HGF: variants seen among roughly 807,000 people sequenced by gnomAD.
HGF encodes hepatocyte growth factor.
In HGF, 39 loss-of-function variants were observed where a neutral mutation model predicts 111.6. That is an observed-to-expected ratio of 0.35 (90% confidence interval 0.27 to 0.46). The LOEUF is 0.46. Ranked by LOEUF, HGF falls within the 20% of genes least tolerant of loss-of-function variation. The pLI is 1.00. For synonymous variants in HGF, 285 were observed against 294.8 expected (o/e 0.97, Z 0.34); for missense variants, 735 against 910.5 (o/e 0.81, Z 2.48).
chr7:81,738,578 T>C (rs543303234), intron 7 of HGF, among the ~76,000 whole-genome samples: 1 of 152,240 alleles, frequency 6.6e-6, no homozygotes, highest in South Asian at 2.1e-4. Flanking sequence ...ATGAGCAACA[T>C]TAATTCTTTA....
In HGF at chr7:81,711,537, TAGATAAATACACAA is replaced by T; in HGVS notation, c.1406-32_1406-19del. 8.4e-7 allele frequency: 1 copy of T among 1,195,500 alleles called. No individual in the cohort carries two copies. The highest frequency in any genetic ancestry group is 1.2e-6 in the Non-Finnish European group (1 of 817,262). The allele number at this position is 1,195,500 out of a possible 1,614,324, so 74.1% of individuals were successfully genotyped here. A position where few individuals can be genotyped will look rare whatever the true frequency, so the allele number is the denominator to read the frequency against. ...ACCTTCACCTGTAAAAATAAATGTA[TAGATAAATACACAA>T]TTCATATATGCATATATCTGTTATA... On this transcript the variant is annotated intron_variant, in intron 11 of 17. Coordinates refer to ENST00000222390, the MANE Select transcript of HGF (RefSeq NM_000601.6).
intron 11 of HGF, among the ~76,000 whole-genome samples, chr7:81,711,841 G>T (rs1008005704): frequency 6.6e-6 from 1 of 151,846 alleles, no homozygotes; most frequent in Non-Finnish European, 1.5e-5. Flanking sequence ...ACGGGATTTC[G>T]CCATGTGGGC....
chr7:81,711,661 T>C (rs961698207), intron 11 of HGF, 142 bp from the exon 12 acceptor site: 14 of 497,418 alleles, frequency 2.8e-5, no homozygotes, highest in African/African-American at 2.8e-4. Flanking sequence ...TGTTTTGTTT[T>C]GAGACAGAGT....
rs1245039600 is a variant in HGF, at chr7:81,708,871, C to T, written c.1541+1276G>A. 2.6e-5 allele frequency among the ~76,000 whole-genome samples: 4 copies of T among 152,056 alleles called. No individual in the cohort carries two copies. The East Asian group carries it at 5.8e-4, about 22-fold the overall frequency. ...GTTTCACAATTCTATTTTAGTACTA[C>T]ACACCTAGGACAGCTATACTACAAT... On this transcript the variant is annotated intron_variant, in intron 13 of 17. Coordinates refer to ENST00000222390, the MANE Select transcript of HGF (RefSeq NM_000601.6).
chr7:81,768,784 T>C lies in HGF; in HGVS notation c.88+1100A>G, dbSNP rs5745620. ...AAATCTTACCTAAATGCTTTCAGAG[T>C]GACCCTTTCCAAACAGTGTCATTTT... is the stretch of plus-strand genomic sequence containing the variant. On this transcript the variant is annotated intron_variant, in intron 1 of 17. Coordinates refer to ENST00000222390, the MANE Select transcript of HGF (RefSeq NM_000601.6). 7.6e-3 allele frequency among the ~76,000 whole-genome samples: 1,152 copies of C among 152,184 alleles called. 18 individuals are homozygous for C. The highest frequency in any genetic ancestry group is 0.027 in the African/African-American group (1,105 of 41,530).
Position 81,720,811 on chromosome 7 carries a change from T to C in HGF, c.1205A>G (p.Asn402Ser), listed in dbSNP as rs1392395915. The C allele has an allele frequency of 6.2e-7, 1 of 1,613,018 alleles. No individual in the cohort carries two copies. Among genetic ancestry groups the C allele is most frequent in the Non-Finnish European group, 8.5e-7 (1 of 1,178,984 alleles). ...YRGNGKNYMG[N>S]LSQTRSGLTC... ...TAGTCCAGATCTTGTTTGGGATAAG[T>C]TGCCCATATAATTTTTGCCATTCCC... is the stretch of plus-strand genomic sequence containing the variant. Residue 402 changes from asparagine to serine, a missense_variant, in exon 10 of 18, where the codon AAC becomes AGC. Asn to Ser is a conservative substitution (Grantham distance 46). Around this residue, in one of 3 missense-constraint regions of HGF, gnomAD observed 553 missense variants for 685.6 expected, o/e 0.81. Transcript: ENST00000222390.
chr7:81,718,931 C>A (rs957453899), intron 10 of HGF, among the ~76,000 whole-genome samples: 4 of 152,136 alleles, frequency 2.6e-5, no homozygotes, highest in African/African-American at 9.7e-5. Flanking sequence ...CTGAAATTAG[C>A]ATTTATTTTA....
intron 7 of HGF, among the ~76,000 whole-genome samples, chr7:81,736,905 G>GTGTGTGTGTA (rs1787848420): frequency 1.3e-5 from 2 of 150,928 alleles, no homozygotes; most frequent in Admixed American, 1.3e-4. Context: ...GTGTGTGTGT[G>GTGTGTGTGTA]TGTGTGTGTG....
At chr7:81,763,519 C>T (rs1306025755) in intron 1 of HGF, among the ~76,000 whole-genome samples, 1 of 152,076 alleles carries the variant, frequency 6.6e-6, no homozygotes, top group African/African-American at 2.4e-5. Context: ...AAACTTCATC[C>T]TTTAATGCAG....
chr7:81,751,895 T>C (rs536343283), intron 5 of HGF: 3 of 1,373,620 alleles, frequency 2.2e-6, no homozygotes, highest in African/African-American at 1.5e-5. Context: ...TCAGGCAGTG[T>C]TGAAATTCAA....
intron 8 of HGF, among the ~76,000 whole-genome samples, chr7:81,726,911 G>T (rs1411618543): frequency 6.6e-6 from 1 of 151,878 alleles, no homozygotes; most frequent in Admixed American, 6.5e-5. Context: ...TCATTTCATA[G>T]ATTCCTTTTT....
intron 8 of HGF, among the ~76,000 whole-genome samples, chr7:81,728,248 C>A (rs1381915617): frequency 6.6e-6 from 1 of 152,084 alleles, no homozygotes; most frequent in Admixed American, 6.6e-5. Context: ...AAACAAATAA[C>A]AAAATTAAGA....
intron 1 of HGF, among the ~76,000 whole-genome samples, chr7:81,766,266 A>G (rs1230362285): frequency 6.6e-6 from 1 of 152,146 alleles, no homozygotes; most frequent in Non-Finnish European, 1.5e-5. Context: ...CAAGGAAAGG[A>G]TTTGCAGGGT....
chr7:81,731,564 G>A (rs1423705086), intron 7 of HGF, among the ~76,000 whole-genome samples: 1 of 152,090 alleles, frequency 6.6e-6, no homozygotes, highest in Non-Finnish European at 1.5e-5. Context: ...ACTATCCAAA[G>A]GTCTTTGGTG....
chr7:81,705,800 A>C (rs1263375313), intron 15 of HGF, 47 bp from the exon 16 acceptor site: 1 of 1,078,596 alleles, frequency 9.3e-7, no homozygotes, highest in Non-Finnish European at 1.4e-6. Flanking sequence ...TGGATTCAAC[A>C]CAAAATTAAC....
intron 8 of HGF, among the ~76,000 whole-genome samples, chr7:81,726,815 A>G (rs557932017): frequency 6.6e-4 from 101 of 152,012 alleles, no homozygotes; most frequent in Admixed American, 1.1e-3. Context: ...TTCTATCAAT[A>G]TAAATAAGGT....
At chr7:81,755,173 T>G (rs1041379907) in intron 4 of HGF, 2 of 152,096 alleles carry the variant, frequency 1.3e-5, no homozygotes, top group Non-Finnish European at 2.9e-5. Context: ...ATTTTCTAGT[T>G]AAGCTTCTAC....
chr7:81,762,616 T>A, intron 2 of HGF, 91 bp downstream of exon 2: 1 of 988,582 alleles, frequency 1.0e-6, no homozygotes. Flanking sequence ...TATGATCAAA[T>A]CACATTGACT....
At chr7:81,756,596 A>G (rs113226894) in intron 4 of HGF, 1,967 of 159,788 alleles carry the variant, frequency 0.012, 17 homozygotes, top group Middle Eastern at 0.023. Flanking sequence ...TGAGATGGAA[A>G]AGCTGGTCAA....
Sources: gnomAD v4.1 joint callset for allele counts (sites outside exome capture counted in the v4.1 genomes callset) on GRCh38, gnomAD v4.1.1 for gene constraint, gnomAD v4.1.1 regional missense constraint, MANE v1.5 for transcripts, NCBI Gene and HGNC (gene_info 2026-07-23, HGNC 2026-07-21) for gene names.